FHIT: variants seen among roughly 807,000 people sequenced by gnomAD.
FHIT encodes bis(5'-adenosyl)-triphosphatase.
A neutral mutation model predicts 17.9 loss-of-function variants in FHIT; 19 were observed. The observed-to-expected ratio is 1.06, with a 90% CI of 0.74 to 1.56. FHIT has a LOEUF of 1.56. FHIT is among the 40% of genes most tolerant of loss of function. The pLI is 0.00. For synonymous variants in FHIT, 81 were observed against 69.7 expected, an observed-to-expected ratio of 1.16 and a Z score of -0.81; for missense variants, 248 against 189.2, an observed-to-expected ratio of 1.31 and a Z score of -1.82.
intron 8 of FHIT, among the ~76,000 whole-genome samples, chr3:59,857,813 G>C (rs1014550130): frequency 6.8e-6 from 1 of 147,922 alleles, no homozygotes; most frequent in African/African-American, 2.5e-5. Context: ...TGTCTGCAGC[G>C]ATACTGGGAA....
At chr3:60,160,604 A>G (rs1395579469) in intron 5 of FHIT, among the ~76,000 whole-genome samples, 1 of 152,172 alleles carries the variant, frequency 6.6e-6, no homozygotes, top group African/African-American at 2.4e-5. Context: ...TAGAGAAAGA[A>G]AATGGCTTTT....
intron 2 of FHIT, among the ~76,000 whole-genome samples, chr3:61,139,116 G>A (rs952107068): frequency 4.8e-5 from 7 of 146,964 alleles, no homozygotes; most frequent in Non-Finnish European, 1.0e-4. Context: ...TGCAACCTCC[G>A]CCTCCTGGGT....
chr3:60,370,675 A>G (rs951157032), intron 5 of FHIT, among the ~76,000 whole-genome samples: 4 of 151,896 alleles, frequency 2.6e-5, no homozygotes, highest in African/African-American at 4.8e-5. Flanking sequence ...AAGCCCCAAG[A>G]GCTTCCTCCT....
intron 5 of FHIT, among the ~76,000 whole-genome samples, chr3:60,269,471 G>A (rs1437214056): frequency 2.0e-5 from 3 of 152,230 alleles, no homozygotes; most frequent in Admixed American, 6.5e-5. Flanking sequence ...CTGCACTATG[G>A]GATACTACTT....
intron 5 of FHIT, among the ~76,000 whole-genome samples, chr3:60,491,758 T>C (rs2034077315): frequency 6.6e-6 from 1 of 152,182 alleles, no homozygotes; most frequent in Non-Finnish European, 1.5e-5. Flanking sequence ...TAAGAAAACC[T>C]TTACACAAAT....
In FHIT at chr3:59,901,960, A is replaced by G. The variant is rs534599274; in HGVS notation, c.348+20386T>C. Among the ~76,000 whole-genome samples the G allele has an allele frequency of 9.2e-5, 14 of 152,354 alleles. 1 individual carries two copies. The South Asian group carries it at 2.9e-3, about 32-fold the overall frequency. Reference sequence around the variant, plus strand: ...ACAATGGAATATTATTTAGCAATAAAAAGAAGTTTGTGAAGAGCAAAGAAA... The same window carrying G: ...ACAATGGAATATTATTTAGCAATAAGAAGAAGTTTGTGAAGAGCAAAGAAA... On this transcript the variant is annotated intron_variant, in intron 8 of 9. Transcript: ENST00000492590.
chr3:60,520,535 G>T (rs1426081570), intron 5 of FHIT, among the ~76,000 whole-genome samples: 1 of 152,074 alleles, frequency 6.6e-6, no homozygotes, highest in Non-Finnish European at 1.5e-5. Flanking sequence ...GTCAGTCCTA[G>T]TCCAAACCTT....
intron 4 of FHIT, among the ~76,000 whole-genome samples, chr3:60,637,165 C>T (rs2039609425): frequency 6.6e-6 from 1 of 152,158 alleles, no homozygotes; most frequent in African/African-American, 2.4e-5. Flanking sequence ...AAAGACTCAG[C>T]AAAATGCATA....
At chr3:60,602,522 A>AACCGAAAGGT (rs879990203) in intron 4 of FHIT, among the ~76,000 whole-genome samples, 1 of 151,940 alleles carries the variant, frequency 6.6e-6, no homozygotes, top group Non-Finnish European at 1.5e-5. Context: ...GAGAAAAAAA[A>AACCGAAAGGT]TTGCTTGATG....
intron 3 of FHIT, among the ~76,000 whole-genome samples, chr3:60,840,055 A>G (rs1049738067): frequency 6.6e-5 from 10 of 151,986 alleles, no homozygotes; most frequent in African/African-American, 2.4e-4. Context: ...GCTCTCTAGC[A>G]CTCAGTCCTC....
At position 59,749,519 on chromosome 3, in the gene FHIT, G is replaced by C. The variant is rs536748644; in HGVS notation, c.*66C>G. ...TCAGTTCCTCTTGGGGAGAGGCGGG[G>C]GGCGGTCTTCAAACTGGTTGGCAAT... On this transcript the variant is annotated 3_prime_UTR_variant, in exon 10 of 10. Transcript: ENST00000492590. 3.7e-4 allele frequency: 86 copies of C among 231,536 alleles called. No individual in the cohort carries two copies. In the Middle Eastern group the frequency reaches 7.7e-3, roughly 21 times the overall value. 14.3% of individuals were successfully genotyped at this position (231,536 alleles called of 1,614,324 possible).
At chr3:60,609,702 T>C (rs2038723289) in intron 4 of FHIT, among the ~76,000 whole-genome samples, 1 of 152,130 alleles carries the variant, frequency 6.6e-6, no homozygotes, top group African/African-American at 2.4e-5. Context: ...ACCCTAACTC[T>C]CAAATAGCCT....
chr3:61,131,085 A>G (rs182894499), intron 2 of FHIT, among the ~76,000 whole-genome samples: 1 of 152,362 alleles, frequency 6.6e-6, no homozygotes, highest in Admixed American at 6.5e-5. Context: ...CCAAATGACC[A>G]ATCCCAAATT....
At chr3:61,161,387 G>C (rs2037689504) in intron 2 of FHIT, among the ~76,000 whole-genome samples, 1 of 151,982 alleles carries the variant, frequency 6.6e-6, no homozygotes, top group Non-Finnish European at 1.5e-5. Flanking sequence ...ATTTTTAGTA[G>C]AGACGGGGGT....
At chr3:59,972,891 A>C (rs1708251371) in intron 7 of FHIT, among the ~76,000 whole-genome samples, 1 of 151,982 alleles carries the variant, frequency 6.6e-6, no homozygotes, top group Non-Finnish European at 1.5e-5. Flanking sequence ...ATTGATCTAC[A>C]TGTTGCTCTT....
At chr3:60,647,954 A>T (rs1553687213) in intron 4 of FHIT, among the ~76,000 whole-genome samples, 1 of 152,222 alleles carries the variant, frequency 6.6e-6, no homozygotes, top group African/African-American at 2.4e-5. Flanking sequence ...ATACACTGTG[A>T]GTTGAAATAA....
intron 2 of FHIT, among the ~76,000 whole-genome samples, chr3:61,182,047 A>T (rs1325714858): frequency 3.3e-5 from 5 of 152,164 alleles, no homozygotes; most frequent in Non-Finnish European, 7.4e-5. Context: ...GTCATGTGAA[A>T]TCGGATACTC....
chr3:60,116,403 T>A (rs995086480), intron 5 of FHIT, among the ~76,000 whole-genome samples: 1 of 152,172 alleles, frequency 6.6e-6, no homozygotes, highest in Non-Finnish European at 1.5e-5. Flanking sequence ...TTGAACTCGA[T>A]CCTCAGCCTT....
chr3:59,898,014 G>A (rs946841482), intron 8 of FHIT, among the ~76,000 whole-genome samples: 32 of 151,986 alleles, frequency 2.1e-4, no homozygotes, highest in African/African-American at 6.3e-4. Flanking sequence ...TGATCTGCCC[G>A]CCTTGGCCTC....
Sources: allele counts gnomAD v4.1 joint callset (sites outside exome capture counted in the v4.1 genomes callset), GRCh38; gene constraint gnomAD v4.1.1; transcripts MANE v1.5; gene names NCBI Gene and HGNC (gene_info 2026-07-23, HGNC 2026-07-21).